PCGF5: variants seen among roughly 807,000 people sequenced by gnomAD.
PCGF5 encodes polycomb group ring finger 5, also known as polycomb group RING finger protein 5.
Under a neutral mutation model 44.3 loss-of-function variants are expected in PCGF5, and 9 were observed. The ratio of observed to expected loss-of-function variants is 0.20; its 90% CI spans 0.12 to 0.35. The LOEUF is 0.35. Ranked by LOEUF, PCGF5 falls within the 10% of genes least tolerant of loss-of-function variation. The pLI is 1.00. For missense variants in PCGF5, 146 were observed against 305.3 expected (o/e 0.48, Z 3.89); for synonymous variants, 95 against 102.5 (o/e 0.93, Z 0.44).
At chr10:91,194,333 G>A (rs1425815216) in intron 1 of PCGF5, among the ~76,000 whole-genome samples, 1 of 152,194 alleles carries the variant, frequency 6.6e-6, no homozygotes, top group Non-Finnish European at 1.5e-5. Context: ...TCTTTCCCAT[G>A]GTGGTCAGAG....
intron 1 of PCGF5, among the ~76,000 whole-genome samples, chr10:91,215,109 ATT>A (rs1304383696): frequency 6.6e-6 from 1 of 152,182 alleles, no homozygotes; most frequent in Non-Finnish European, 1.5e-5. Flanking sequence ...CCCTCCTAAC[ATT>A]TTTGGGAAGT....
upstream of PCGF5, among the ~76,000 whole-genome samples, chr10:91,158,168 A>G (rs930399): frequency 6.6e-6 from 1 of 152,058 alleles, no homozygotes; most frequent in Non-Finnish European, 1.5e-5. Context: ...AGTCAAGTAG[A>G]CTTTATTTAT....
chr10:91,241,409 T>G (rs956187055), intron 3 of PCGF5, among the ~76,000 whole-genome samples: 4 of 152,162 alleles, frequency 2.6e-5, no homozygotes, highest in African/African-American at 9.6e-5. Context: ...TATGAGATTC[T>G]AATCCAAATC....
chr10:91,198,092 G>T (rs1297554134), intron 1 of PCGF5, among the ~76,000 whole-genome samples: 1 of 152,194 alleles, frequency 6.6e-6, no homozygotes, highest in Non-Finnish European at 1.5e-5. Context: ...TTCAGGCAAT[G>T]AGAAATACTG....
At chr10:91,186,661 C>A (rs1335406036) in intron 1 of PCGF5, among the ~76,000 whole-genome samples, 1 of 151,666 alleles carries the variant, frequency 6.6e-6, no homozygotes, top group East Asian at 1.9e-4. Context: ...TACAAAGTTT[C>A]TTTTGTACCT....
chr10:91,281,451 C>A lies in PCGF5; in HGVS notation c.*3135C>A, dbSNP rs2133486347. ...TTACTGAAATATTTAAGAGAAAGTGCCTCATTACTAAAGTGCATTTCTGTT... is the reference window on the plus strand; with the variant it reads ...TTACTGAAATATTTAAGAGAAAGTGACTCATTACTAAAGTGCATTTCTGTT... On this transcript the variant is annotated 3_prime_UTR_variant, in exon 10 of 10. Coordinates refer to ENST00000336126, the MANE Select transcript of PCGF5 (RefSeq NM_032373.5). 6.6e-6 allele frequency: 1 copy of A among 152,572 alleles called. No homozygotes were observed. The highest frequency in any genetic ancestry group is 2.4e-5 in the African/African-American group (1 of 41,524). The allele number at this position is 152,572 out of a possible 1,614,324, so 9.5% of individuals were successfully genotyped here.
intron 1 of PCGF5, among the ~76,000 whole-genome samples, chr10:91,165,972 G>A (rs369166471): frequency 7.2e-5 from 11 of 152,186 alleles, no homozygotes; most frequent in East Asian, 5.8e-4. Context: ...CATAATAGTA[G>A]CTGTGATCAC....
At chr10:91,274,144 A>T (rs1436977042) in intron 9 of PCGF5, among the ~76,000 whole-genome samples, 1 of 152,104 alleles carries the variant, frequency 6.6e-6, no homozygotes, top group Non-Finnish European at 1.5e-5. Flanking sequence ...AGTACATTAC[A>T]TTTTATAGAG....
At chr10:91,189,916 C>G (rs944238511) in intron 1 of PCGF5, among the ~76,000 whole-genome samples, 1 of 152,196 alleles carries the variant, frequency 6.6e-6, no homozygotes, top group Non-Finnish European at 1.5e-5. Flanking sequence ...GAGATTTTAA[C>G]TGCTGAAACA....
chr10:91,180,814 G>T (rs1379594515), intron 1 of PCGF5, among the ~76,000 whole-genome samples: 1 of 152,190 alleles, frequency 6.6e-6, no homozygotes, highest in Non-Finnish European at 1.5e-5. Flanking sequence ...TTTTGCTTAG[G>T]ATTGCCTTGG....
At chr10:91,210,775 A>G (rs372409169) in intron 1 of PCGF5, among the ~76,000 whole-genome samples, 47 of 152,354 alleles carry the variant, frequency 3.1e-4, no homozygotes, top group African/African-American at 1.1e-3. Context: ...ATAATCACTG[A>G]AAATCAGAAA....
At chr10:91,204,990 T>C (rs1844318783) in intron 1 of PCGF5, among the ~76,000 whole-genome samples, 1 of 152,232 alleles carries the variant, frequency 6.6e-6, no homozygotes, top group Non-Finnish European at 1.5e-5. Context: ...CTGTAAACTA[T>C]CTAGCAAATT....
At chr10:91,268,434 G>A (rs1236839280) in intron 8 of PCGF5, among the ~76,000 whole-genome samples, 3 of 152,196 alleles carry the variant, frequency 2.0e-5, no homozygotes, top group South Asian at 4.1e-4. Flanking sequence ...ATAGGATTGC[G>A]ACTGGCATTG....
At chr10:91,189,786 C>G (rs188973423) in intron 1 of PCGF5, among the ~76,000 whole-genome samples, 2 of 152,174 alleles carry the variant, frequency 1.3e-5, no homozygotes, top group African/African-American at 4.8e-5. Flanking sequence ...AGCATCTGAG[C>G]CAGTATTGAG....
intron 3 of PCGF5, among the ~76,000 whole-genome samples, chr10:91,245,832 T>A (rs943608777): frequency 6.6e-6 from 1 of 152,082 alleles, no homozygotes; most frequent in Non-Finnish European, 1.5e-5. Context: ...GGAAAGGGAT[T>A]TGGAGAGTTA....
At chr10:91,261,965 C>T (rs1385784722) in intron 7 of PCGF5, among the ~76,000 whole-genome samples, 1 of 152,216 alleles carries the variant, frequency 6.6e-6, no homozygotes, top group Non-Finnish European at 1.5e-5. Context: ...TGATATTAAT[C>T]ACAGCATAGC....
At chr10:91,275,294 G>A (rs948888855) in intron 9 of PCGF5, among the ~76,000 whole-genome samples, 1 of 148,180 alleles carries the variant, frequency 6.7e-6, no homozygotes, top group Non-Finnish European at 1.5e-5. Context: ...AACTTTCTTA[G>A]CAGTCAAGAA....
At chr10:91,170,331 A>G (rs1315024601) in intron 1 of PCGF5, among the ~76,000 whole-genome samples, 1 of 152,268 alleles carries the variant, frequency 6.6e-6, no homozygotes, top group African/African-American at 2.4e-5. Context: ...GAATAAAAAG[A>G]TGAGCCACAG....
rs1404657840 is a variant in PCGF5 at position 91,277,219 on chromosome 10, A to G, written c.724-1050A>G. 1.4e-4 allele frequency among the ~76,000 whole-genome samples: 21 copies of G among 152,206 alleles called. 1 individual carries two copies. Among genetic ancestry groups the G allele is most frequent in the Admixed American group, 1.4e-3 (21 of 15,286 alleles). ...TCTTCCCAGTGTGTAGCATAGCTATAGTAAGCACTGAAATGGTCATTTTCA... is the reference window on the plus strand; with the variant it reads ...TCTTCCCAGTGTGTAGCATAGCTATGGTAAGCACTGAAATGGTCATTTTCA... On this transcript the variant is annotated intron_variant, in intron 9 of 9. Coordinates refer to ENST00000336126, the MANE Select transcript of PCGF5 (RefSeq NM_032373.5).
Sources: allele counts gnomAD v4.1 joint callset (sites outside exome capture counted in the v4.1 genomes callset), GRCh38; gene constraint gnomAD v4.1.1; transcripts MANE v1.5; gene names NCBI Gene and HGNC (gene_info 2026-07-23, HGNC 2026-07-21).